Variants in SEPTIN10 observed in about 807,000 individuals in gnomAD.
SEPTIN10 encodes the protein septin 10, also known as septin-10.
SEPTIN10 carries 66 observed loss-of-function variants against 54.8 expected under a neutral mutation model. That is an observed-to-expected ratio of 1.21 (90% CI 0.99 to 1.48). The LOEUF (loss-of-function observed/expected upper bound fraction) is 1.48. Among genes scored for constraint, SEPTIN10 ranks in the 40% most tolerant of loss-of-function variants. The pLI, the probability that SEPTIN10 is intolerant of heterozygous loss-of-function variation, is 0.00. For missense variants in SEPTIN10, 620 were observed against 545.6 expected, an observed-to-expected ratio of 1.14 and a Z score of -1.36; for synonymous variants, 161 against 181.0, an observed-to-expected ratio of 0.89 and a Z score of 0.89.
intron 4 of SEPTIN10, among the ~76,000 whole-genome samples, chr2:109,579,818 A>AAAATAAAT (rs945571864): frequency 1.3e-5 from 2 of 152,200 alleles, no homozygotes; most frequent in Middle Eastern, 3.4e-3. Flanking sequence ...ATCTTGATTT[A>AAAATAAAT]AAATAAATAA....
chr2:109,556,346 A>G, intron 8 of SEPTIN10, among the ~76,000 whole-genome samples: 1 of 152,212 alleles, frequency 6.6e-6, no homozygotes, highest in East Asian at 1.9e-4. Flanking sequence ...AAAATAAATC[A>G]ATTTCAAAAT....
chr2:109,582,861 A>G (rs1691554151), intron 4 of SEPTIN10, among the ~76,000 whole-genome samples: 1 of 152,210 alleles, frequency 6.6e-6, no homozygotes, highest in Non-Finnish European at 1.5e-5. Flanking sequence ...CAGAGAACCT[A>G]GAAATAAAGC....
At chr2:109,563,155 C>A (rs1399977124) in intron 8 of SEPTIN10, among the ~76,000 whole-genome samples, 1 of 152,122 alleles carries the variant, frequency 6.6e-6, no homozygotes, top group Non-Finnish European at 1.5e-5. Context: ...AAGTGGTCTG[C>A]CCGCCTTGGC....
At position 109,544,242 on chromosome 2, in the gene SEPTIN10, C is replaced by T; in HGVS notation, c.*67G>A. On this transcript the variant is annotated 3_prime_UTR_variant, in exon 11 of 11. Coordinates refer to ENST00000397712, the MANE Select transcript of SEPTIN10 (RefSeq NM_144710.5). ...AACAAATAACAGCAAAATCAAAGCA[C>T]ACTTCTAGTTTTTTTTTAATAAAGT... 4.3e-6 allele frequency: 7 copies of T among 1,612,290 alleles called. No homozygotes were observed. The highest frequency in any genetic ancestry group is 1.1e-5 in the South Asian group (1 of 90,954).
chr2:109,545,515 C>T (rs764642565), intron 10 of SEPTIN10: 9 of 1,535,876 alleles, frequency 5.9e-6, no homozygotes, highest in Non-Finnish European at 7.8e-6. Context: ...CATCAATGCA[C>T]AGGAGTTCGA....
At chr2:109,610,024 A>ATATG (rs781642445) in intron 1 of SEPTIN10, among the ~76,000 whole-genome samples, 13 of 152,108 alleles carry the variant, frequency 8.5e-5, no homozygotes, top group South Asian at 2.1e-4. Context: ...GGCAGGGACA[A>ATATG]TATGACACAG....
At chr2:109,577,091 A>AAGG (rs748906524) in intron 4 of SEPTIN10, among the ~76,000 whole-genome samples, 2 of 152,146 alleles carry the variant, frequency 1.3e-5, no homozygotes, top group East Asian at 3.8e-4. Flanking sequence ...GAGGAAAAAA[A>AAGG]GGAGAGGACC....
At position 109,567,929 on chromosome 2, in the gene SEPTIN10, A is replaced by C; in HGVS notation, c.648T>G (p.Thr216=). The part of the protein sequence containing the change: ...VIAKADTVSK[T]ELQKFKIKLM... ...GCTTGATCTTAAACTTCTGTAATTC[A>C]GTTTTAGAAACCGTATCTGCTTTGG... Residue 216 remains threonine (T), a synonymous_variant, in exon 6 of 11, where the codon ACT becomes ACG. Transcript: ENST00000397712. 6.2e-7 allele frequency: 1 copy of C among 1,613,928 alleles called. No individual in the cohort carries two copies.
At chr2:109,553,308 G>C in intron 8 of SEPTIN10, 89 bp from the exon 9 acceptor site, 1 of 1,363,742 alleles carries the variant, frequency 7.3e-7, no homozygotes, top group Non-Finnish European at 1.0e-6. Flanking sequence ...ACTTTGGGAG[G>C]CCGAGGCAGG....
chr2:109,577,805 C>T (rs201482157), intron 4 of SEPTIN10, among the ~76,000 whole-genome samples: 1 of 147,042 alleles, frequency 6.8e-6, no homozygotes, highest in Admixed American at 7.1e-5. Flanking sequence ...ACCAGCTACA[C>T]AGGAGGCTGA....
intron 9 of SEPTIN10, among the ~76,000 whole-genome samples, chr2:109,551,325 A>C: frequency 6.6e-6 from 1 of 152,272 alleles, no homozygotes; most frequent in Admixed American, 6.5e-5. Flanking sequence ...TTAATATAGA[A>C]TTAAATAATG....
intron 1 of SEPTIN10, among the ~76,000 whole-genome samples, chr2:109,610,678 T>C (rs910669646): frequency 1.3e-5 from 2 of 151,998 alleles, no homozygotes; most frequent in Non-Finnish European, 2.9e-5. Context: ...ATCATGCTAT[T>C]GAACTCCAGC....
intron 8 of SEPTIN10, among the ~76,000 whole-genome samples, chr2:109,558,586 A>C (rs1041379218): frequency 6.6e-6 from 1 of 152,230 alleles, no homozygotes; most frequent in Non-Finnish European, 1.5e-5. Context: ...TCAGTTAATT[A>C]AACTATGACT....
intron 2 of SEPTIN10, among the ~76,000 whole-genome samples, chr2:109,587,268 C>T (rs184699300): frequency 2.2e-4 from 34 of 152,182 alleles, no homozygotes; most frequent in African/African-American, 6.5e-4. Context: ...TTAGTACTAA[C>T]AGCAGATCAA....
chr2:109,580,920 G>A (rs1690956553), intron 4 of SEPTIN10, among the ~76,000 whole-genome samples: 1 of 152,142 alleles, frequency 6.6e-6, no homozygotes, highest in African/African-American at 2.4e-5. Context: ...AGGAGTTCAA[G>A]GAGGCAAAAG....
Position 109,544,162 on chromosome 2 carries a change from T to A in SEPTIN10, c.*147A>T. On this transcript the variant is annotated 3_prime_UTR_variant, in exon 11 of 11. Coordinates refer to ENST00000397712, the MANE Select transcript of SEPTIN10 (RefSeq NM_144710.5). Reference sequence around the variant, plus strand: ...TATGTATTGACCTTGTACTTGAAAGTACTTTTCCATAAATATCAGTAACTG... The same window carrying A: ...TATGTATTGACCTTGTACTTGAAAGAACTTTTCCATAAATATCAGTAACTG... 1 of 1,567,854 alleles carries A rather than the reference T, an allele frequency of 6.4e-7. No individual in the cohort carries two copies. The highest frequency in any genetic ancestry group is 8.6e-7 in the Non-Finnish European group (1 of 1,158,054).
rs201363539 is a variant in SEPTIN10, at chr2:109,565,985, G to A, written c.763-126C>T. 72 of 839,768 alleles carry A rather than the reference G, an allele frequency of 8.6e-5. No individual in the cohort carries two copies. In the East Asian group the frequency reaches 1.8e-3, roughly 21 times the overall value. The allele number at this position is 839,768 out of a possible 1,614,324, so 52.0% of individuals were successfully genotyped here. A position where few individuals can be genotyped will look rare whatever the true frequency, so the allele number is the denominator to read the frequency against. On this transcript the variant is annotated intron_variant, in intron 6 of 10. Transcript: ENST00000397712. Reference sequence around the variant, plus strand: ...CTATTAAAATCGAATGGTCAGCTATGCCTCAGATTTTAAAACCTGCCAGTG... The same window carrying A: ...CTATTAAAATCGAATGGTCAGCTATACCTCAGATTTTAAAACCTGCCAGTG...
intron 10 of SEPTIN10, chr2:109,545,200 TC>T (rs1680871097): frequency 2.0e-6 from 2 of 984,996 alleles, no homozygotes; most frequent in Non-Finnish European, 2.4e-6. Flanking sequence ...TGAGGCAGAG[TC>T]CCCCAAATGA....
At chr2:109,555,681 CAAT>C (rs1323938782) in intron 8 of SEPTIN10, among the ~76,000 whole-genome samples, 4 of 152,184 alleles carry the variant, frequency 2.6e-5, no homozygotes, top group Admixed American at 1.3e-4. Context: ...AGCCTGTTAG[CAAT>C]AATATGAACC....
Sources: allele counts gnomAD v4.1 joint callset (sites outside exome capture counted in the v4.1 genomes callset), GRCh38; gene constraint gnomAD v4.1.1; transcripts MANE v1.5; gene names NCBI Gene and HGNC (gene_info 2026-07-23, HGNC 2026-07-21).